PTGER3: variants seen among roughly 807,000 people sequenced by gnomAD.
PTGER3 encodes prostaglandin E2 receptor EP3 subtype.
Under a neutral mutation model 34.7 loss-of-function variants are expected in PTGER3, and 22 were observed. The observed-to-expected ratio is 0.63, with a 90% confidence interval of 0.45 to 0.91. The LOEUF (loss-of-function observed/expected upper bound fraction) is 0.91, where lower values mean the gene tolerates loss of function less well. Among genes scored for constraint, PTGER3 ranks in the 40% least tolerant of loss-of-function variants. PTGER3 has a pLI of 0.00. For synonymous variants in PTGER3, 241 were observed against 230.1 expected (o/e 1.05, Z -0.43); for missense variants, 468 against 519.4 (o/e 0.90, Z 0.96).
intron 4 of PTGER3, among the ~76,000 whole-genome samples, chr1:70,939,499 T>C (rs1474066230): frequency 6.6e-6 from 1 of 152,232 alleles, no homozygotes; most frequent in African/African-American, 2.4e-5. Context: ...TGCACTTCCC[T>C]AGTAGAGGTT....
chr1:70,900,384 C>G (rs1439107089), intron 4 of PTGER3, among the ~76,000 whole-genome samples: 1 of 152,102 alleles, frequency 6.6e-6, no homozygotes, highest in Non-Finnish European at 1.5e-5. Context: ...TATTCTCATT[C>G]TGAGTGTCAG....
intron 4 of PTGER3, among the ~76,000 whole-genome samples, chr1:70,875,001 G>T (rs562876861): frequency 4.3e-4 from 66 of 152,212 alleles, no homozygotes; most frequent in African/African-American, 1.4e-3. Context: ...TGCGCATTCT[G>T]ACACAAATGC....
intron 1 of PTGER3, among the ~76,000 whole-genome samples, chr1:71,024,905 A>G (rs1572962907): frequency 1.3e-5 from 1 of 76,720 alleles, no homozygotes; most frequent in South Asian, 4.8e-4. Flanking sequence ...TTATTTATTT[A>G]TTTATTTATT....
intron 2 of PTGER3, among the ~76,000 whole-genome samples, chr1:70,993,782 G>A (rs1655679830): frequency 6.6e-6 from 1 of 152,144 alleles, no homozygotes; most frequent in Non-Finnish European, 1.5e-5. Flanking sequence ...AAAGAATAAG[G>A]GATGCAGTGA....
At chr1:70,997,025 A>G (rs1656048330) in intron 2 of PTGER3, 1 of 152,258 alleles carries the variant, frequency 6.6e-6, no homozygotes, top group African/African-American at 2.4e-5. Flanking sequence ...TAATCCCAGC[A>G]CTTTGGGAAG....
chr1:70,906,349 T>C (rs1173302285), intron 4 of PTGER3, among the ~76,000 whole-genome samples: 3 of 152,214 alleles, frequency 2.0e-5, no homozygotes, highest in Non-Finnish European at 4.4e-5. Context: ...GGTACAGATG[T>C]AACAGTATAT....
At chr1:71,041,901 C>A (rs1285159803) in intron 1 of PTGER3, among the ~76,000 whole-genome samples, 2 of 152,172 alleles carry the variant, frequency 1.3e-5, no homozygotes. Context: ...AACTTAGCAC[C>A]CAGTATCCCT....
intron 4 of PTGER3, among the ~76,000 whole-genome samples, chr1:70,886,587 G>A (rs998059782): frequency 5.9e-5 from 9 of 152,054 alleles, no homozygotes; most frequent in Admixed American, 5.2e-4. Context: ...TCAATCTGTC[G>A]AAAGCACAAC....
chr1:70,985,839 T>C (rs945647230), intron 2 of PTGER3, among the ~76,000 whole-genome samples: 2 of 152,164 alleles, frequency 1.3e-5, no homozygotes, highest in Middle Eastern at 3.2e-3. Flanking sequence ...CGGTCTCAAG[T>C]AGTAGCAGTG....
intron 4 of PTGER3, among the ~76,000 whole-genome samples, chr1:70,939,456 C>T (rs1649553166): frequency 6.6e-6 from 1 of 152,244 alleles, no homozygotes. Flanking sequence ...AGTAGGGCCC[C>T]TGTGTGGGGG....
At chr1:70,953,793 A>C in intron 2 of PTGER3, 2 of 1,341,364 alleles carry the variant, frequency 1.5e-6, no homozygotes, top group Middle Eastern at 3.8e-4. Context: ...TTCTCATCTG[A>C]AAAAGAGTAA....
chr1:70,884,472 C>A (rs1325479796), intron 4 of PTGER3, among the ~76,000 whole-genome samples: 1 of 152,120 alleles, frequency 6.6e-6, no homozygotes, highest in Non-Finnish European at 1.5e-5. Flanking sequence ...TCTGGCAAAA[C>A]CTTAAAAGAG....
intron 2 of PTGER3, chr1:71,002,180 T>A (rs533444081): frequency 8.5e-5 from 13 of 152,264 alleles, no homozygotes; most frequent in Admixed American, 2.6e-4. Flanking sequence ...GGAGGATCAC[T>A]TAAGCCAGGA....
At chr1:70,886,088 C>A (rs1056488092) in intron 4 of PTGER3, among the ~76,000 whole-genome samples, 5 of 152,162 alleles carry the variant, frequency 3.3e-5, no homozygotes, top group Non-Finnish European at 5.9e-5. Context: ...AAACCCTAAT[C>A]CCCAGTGTGC....
At chr1:70,906,297 GAA>G (rs776981094) in intron 4 of PTGER3, among the ~76,000 whole-genome samples, 3 of 152,150 alleles carry the variant, frequency 2.0e-5, no homozygotes, top group Non-Finnish European at 2.9e-5. Flanking sequence ...TGCAAAATGT[GAA>G]TTATAATTAT....
chr1:70,977,084 A>G (rs1306778581), intron 2 of PTGER3, among the ~76,000 whole-genome samples: 1 of 152,180 alleles, frequency 6.6e-6, no homozygotes, highest in African/African-American at 2.4e-5. Flanking sequence ...AATTCAGTTA[A>G]GGTGGTTCAG....
intron 4 of PTGER3, among the ~76,000 whole-genome samples, chr1:70,946,166 G>T (rs1431170985): frequency 6.6e-6 from 1 of 151,960 alleles, no homozygotes; most frequent in African/African-American, 2.4e-5. Context: ...GATATCTCTG[G>T]ATTTAAGTCC....
chr1:70,892,019 G>T (rs1363986032), intron 4 of PTGER3, among the ~76,000 whole-genome samples: 1 of 152,200 alleles, frequency 6.6e-6, no homozygotes, highest in East Asian at 1.9e-4. Flanking sequence ...CTGAGTTAAT[G>T]TTGAAAGGGC....
chr1:71,004,457 T>A (rs564974811), intron 2 of PTGER3, among the ~76,000 whole-genome samples: 1 of 152,278 alleles, frequency 6.6e-6, no homozygotes, highest in Admixed American at 6.5e-5. Flanking sequence ...TTGCCCAATA[T>A]TTGTTCTTTG....
Sources: allele counts gnomAD v4.1 joint callset (sites outside exome capture counted in the v4.1 genomes callset), GRCh38; gene constraint gnomAD v4.1.1; transcripts MANE v1.5; gene names NCBI Gene and HGNC (gene_info 2026-07-23, HGNC 2026-07-21).